Variants in CAMK2B observed in about 807,000 individuals in gnomAD.
CAMK2B encodes the protein calcium/calmodulin-dependent protein kinase type II subunit beta.
In CAMK2B, 27 loss-of-function variants were observed where a neutral mutation model predicts 93.7. The ratio of observed to expected loss-of-function variants is 0.29; its 90% CI spans 0.21 to 0.40. The LOEUF (loss-of-function observed/expected upper bound fraction) is 0.40, where lower values mean the gene tolerates loss of function less well. Ranked by LOEUF, CAMK2B falls within the 10% of genes least tolerant of loss-of-function variation. The pLI is 1.00. For synonymous variants in CAMK2B, 374 were observed against 358.8 expected (o/e 1.04, Z -0.48); for missense variants, 568 against 895.8 (o/e 0.63, Z 4.67).
chr7:44,242,233 C>T lies in CAMK2B; in HGVS notation c.804G>A (p.Lys268=), dbSNP rs1435892787. 6.2e-7 allele frequency: 1 copy of T among 1,613,914 alleles called. No individual in the cohort carries two copies. Among genetic ancestry groups the T allele is most frequent in the Non-Finnish European group, 8.5e-7 (1 of 1,179,832 alleles). The change falls in exon 10 of 24, where the codon AAG becomes AAA. Residue 268 remains lysine (K), a synonymous_variant. Transcript: ENST00000395749. ...AKRITAHEAL[K]HPWVCQRSTV... The stretch of plus-strand genomic sequence containing the variant: ...GGCGACTCACGCAGACCCACGGGTG[C>T]TTCAGGGCCTCATGGGCTGTGATGC...
chr7:44,275,260 C>T (rs1046206372), intron 2 of CAMK2B, among the ~76,000 whole-genome samples: 1 of 152,202 alleles, frequency 6.6e-6, no homozygotes, highest in African/African-American at 2.4e-5. Context: ...GGCTCAGGAA[C>T]CTGGCATTGG....
intron 1 of CAMK2B, among the ~76,000 whole-genome samples, chr7:44,321,625 C>T (rs2116602749): frequency 6.6e-6 from 1 of 152,270 alleles, no homozygotes; most frequent in South Asian, 2.1e-4. Context: ...TACAACATGG[C>T]CCAGCCCTAG....
Position 44,219,344 on chromosome 7 carries a change from GTTTTTTTTTTTTTT to G in CAMK2B, c.*167_*180del, listed in dbSNP as rs59312365. On this transcript the variant is annotated 3_prime_UTR_variant, in exon 24 of 24. Transcript: ENST00000395749. ...TTTTTGTGGTTGTCGTCGTCATCTTGTTTTTTTTTTTTTTTTTTTTGTTTTTTTTTAACAAATCA... is the reference window on the plus strand; with the variant it reads ...TTTTTGTGGTTGTCGTCGTCATCTTGTTTTTTGTTTTTTTTTAACAAATCA... The G allele has an allele frequency of 2.8e-5, 1 of 35,184 alleles. No individual in the cohort carries two copies. Among genetic ancestry groups the G allele is most frequent in the Non-Finnish European group, 5.2e-5 (1 of 19,158 alleles). The allele number at this position is 35,184 out of a possible 1,614,324, so 2.2% of individuals were successfully genotyped here. A position where few individuals can be genotyped will look rare whatever the true frequency, so the allele number is the denominator to read the frequency against.
chr7:44,302,398 C>A (rs1790311432), intron 1 of CAMK2B, among the ~76,000 whole-genome samples: 2 of 152,192 alleles, frequency 1.3e-5, no homozygotes, highest in Admixed American at 1.3e-4. Context: ...CTAACTCATT[C>A]TATGAGGCTA....
intron 6 of CAMK2B, chr7:44,244,762 G>A (rs529708783): frequency 2.5e-5 from 8 of 318,888 alleles, no homozygotes; most frequent in East Asian, 1.9e-4. Flanking sequence ...AGCTGTGAGC[G>A]CCCCTCAGCA....
chr7:44,230,666 A>G (rs1242203782), intron 17 of CAMK2B, among the ~76,000 whole-genome samples: 2 of 152,320 alleles, frequency 1.3e-5, no homozygotes, highest in East Asian at 3.9e-4. Context: ...GAGCTTTAAG[A>G]CAAGGACAGC....
At chr7:44,264,853 C>T (rs962557338) in intron 2 of CAMK2B, among the ~76,000 whole-genome samples, 6 of 152,178 alleles carry the variant, frequency 3.9e-5, no homozygotes, top group African/African-American at 1.4e-4. Flanking sequence ...ATAGAATACA[C>T]ATGGTGTGGG....
At chr7:44,245,777 C>A (rs544991867) in intron 6 of CAMK2B, among the ~76,000 whole-genome samples, 1 of 152,246 alleles carries the variant, frequency 6.6e-6, no homozygotes, top group East Asian at 1.9e-4. Context: ...CAGAGCAGCA[C>A]AAAGATCATC....
intron 1 of CAMK2B, among the ~76,000 whole-genome samples, chr7:44,298,264 C>T (rs558481650): frequency 5.3e-5 from 8 of 152,232 alleles, no homozygotes; most frequent in East Asian, 3.9e-4. Flanking sequence ...TTTCAACAAA[C>T]GTGTCAAGGG....
rs2096750842 is a variant in CAMK2B, at chr7:44,248,395, G to A, written c.342-1203C>T. 6.6e-6 allele frequency among the ~76,000 whole-genome samples: 1 copy of A among 152,056 alleles called. No homozygotes were observed. The highest frequency in any genetic ancestry group is 1.5e-5 in the Non-Finnish European group (1 of 68,008). ...GTGGCTTGAATCTGCTTCTGCCCAG[G>A]TGCCCCTGGAGCCCAACACAAGCCC... On this transcript the variant is annotated intron_variant, in intron 5 of 23. Coordinates refer to ENST00000395749, the MANE Select transcript of CAMK2B (RefSeq NM_001220.5). The surrounding 1 kb of genome is among the most constrained non-coding windows in gnomAD (Gnocchi z 4.1).
Position 44,286,307 on chromosome 7 carries a change from GT to G in CAMK2B, c.66-2083del, listed in dbSNP as rs1167057897. Among the ~76,000 whole-genome samples the G allele has an allele frequency of 6.6e-6, 1 of 152,196 alleles. No homozygotes were observed. Among genetic ancestry groups the G allele is most frequent in the African/African-American group, 2.4e-5 (1 of 41,456 alleles). On this transcript the variant is annotated intron_variant, in intron 1 of 23. Transcript: ENST00000395749. The surrounding 1 kb of genome is among the most constrained non-coding windows in gnomAD (Gnocchi z 4.0). ...CTGACGTGGCAGGCCTCCACTGAGT[GT>G]TCTGGACCAGGCCCTGAAGGGAGCA...
chr7:44,245,375 G>A (rs2128979597), intron 6 of CAMK2B, among the ~76,000 whole-genome samples: 1 of 152,336 alleles, frequency 6.6e-6, no homozygotes, highest in Middle Eastern at 3.4e-3. Context: ...CAAGATGGTG[G>A]ATTTCTGTCC....
chr7:44,295,577 T>C (rs1013047175), intron 1 of CAMK2B, among the ~76,000 whole-genome samples: 1 of 152,216 alleles, frequency 6.6e-6, no homozygotes, highest in African/African-American at 2.4e-5. Context: ...CCAGGGTGCC[T>C]AGCCTTAGCA....
chr7:44,240,663 C>G, intron 12 of CAMK2B, 44 bp downstream of exon 12: 1 of 1,608,908 alleles, frequency 6.2e-7, no homozygotes. Context: ...CGTGGGCCAG[C>G]AGGGAGGGGG....
intron 2 of CAMK2B, among the ~76,000 whole-genome samples, chr7:44,265,022 C>T (rs1324893803): frequency 6.6e-6 from 1 of 152,134 alleles, no homozygotes; most frequent in Non-Finnish European, 1.5e-5. Flanking sequence ...AGGAGGGAGG[C>T]TCTCAGGGTG....
chr7:44,224,095 G>A lies in CAMK2B; in HGVS notation c.1597+2421C>T, dbSNP rs971268984. On this transcript the variant is annotated intron_variant, in intron 20 of 23. Transcript: ENST00000395749. This position sits in a 1 kb window ranked among gnomAD's most constrained non-coding sequence, Gnocchi z 4.4. ...AAATGGGAGTTGATGGGAAGAGAAAGCGTGAAGTAAACAGAAGAGGAGATG... is the reference window on the plus strand; with the variant it reads ...AAATGGGAGTTGATGGGAAGAGAAAACGTGAAGTAAACAGAAGAGGAGATG... Among the ~76,000 whole-genome samples, 12 of 152,390 alleles carry A rather than the reference G, an allele frequency of 7.9e-5. No individual in the cohort carries two copies. In the South Asian group the frequency reaches 1.2e-3, roughly 16 times the overall value.
intron 1 of CAMK2B, among the ~76,000 whole-genome samples, chr7:44,295,623 G>A (rs1384931811): frequency 1.3e-5 from 2 of 152,218 alleles, no homozygotes; most frequent in African/African-American, 4.8e-5. Context: ...CTACCTCCAG[G>A]AGCCCTACCA....
rs545579163 is a variant in CAMK2B at position 44,310,292 on chromosome 7, G to C, written c.65+15065C>G. ...CTGTGGGTCACCTGCATGTGGGAGA[G>C]ATGAGCTTTGGGGCAAGTCTCAGAA... On this transcript the variant is annotated intron_variant, in intron 1 of 23. Transcript: ENST00000395749. Among the ~76,000 whole-genome samples the C allele has an allele frequency of 3.3e-5, 5 of 152,348 alleles. No homozygotes were observed. In the South Asian group the frequency reaches 1.0e-3, roughly 32 times the overall value.
chr7:44,245,481 A>G (rs1369560536), intron 6 of CAMK2B, among the ~76,000 whole-genome samples: 1 of 152,194 alleles, frequency 6.6e-6, no homozygotes, highest in South Asian at 2.1e-4. Flanking sequence ...ACTGACCTCT[A>G]CTTCTATGCC....
Sources: allele counts gnomAD v4.1 joint callset (sites outside exome capture counted in the v4.1 genomes callset), GRCh38; gene constraint gnomAD v4.1.1; non-coding constraint Gnocchi (gnomAD v3.1); transcripts MANE v1.5; gene names NCBI Gene and HGNC (gene_info 2026-07-23, HGNC 2026-07-21).